Variants in TPRN observed in about 807,000 individuals in gnomAD.
The protein encoded by TPRN is taperin.
TPRN carries 32 observed loss-of-function variants against 42.6 expected under a neutral mutation model. The observed-to-expected ratio is 0.75, with a 90% CI of 0.57 to 1.01. TPRN has a LOEUF of 1.01. TPRN is among the 50% of genes least tolerant of loss of function. The pLI, the probability that TPRN is intolerant of heterozygous loss-of-function variation, is 0.00. For missense variants in TPRN, 1,095 were observed against 957.5 expected (o/e 1.14, Z -1.90); for synonymous variants, 541 against 445.6 (o/e 1.21, Z -2.70).
rs1389147978 is a variant in TPRN, at chr9:137,199,346, T to A, written c.1366A>T (p.Thr456Ser). ...TCCGAGTCTACCTCATCGATGAAGG[T>A]GACAGGCAGCCCCGGCCTCACATAT... ...REYVRPGLPV[T>S]FIDEVDSEEA... Residue 456 changes from threonine to serine, a missense_variant, in exon 1 of 4, where the codon ACC (threonine) becomes TCC (serine). By Grantham distance (58) the Thr-to-Ser change is moderately conservative (BLOSUM62 1). Transcript: ENST00000409012. 1.9e-6 allele frequency: 3 copies of A among 1,612,514 alleles called. No homozygotes were observed. Among genetic ancestry groups the A allele is most frequent in the Non-Finnish European group, 2.5e-6 (3 of 1,179,970 alleles).
At position 137,199,461 on chromosome 9, in the gene TPRN, G is replaced by A; in HGVS notation, c.1251C>T (p.Ser417=). 1 of 1,603,350 alleles carries A rather than the reference G, an allele frequency of 6.2e-7. No individual in the cohort carries two copies. ...CAGCCGGCAGGAAGGGGGGCGGTGA[G>A]GACGGCCTCTGCCACCTAATAGCCC... ...ADRAIRWQRP[S]SPPPFLPAAS... Residue 417 remains serine (S), a synonymous_variant, in exon 1 of 4, where the codon TCC becomes TCT. Coordinates refer to ENST00000409012, the MANE Select transcript of TPRN (RefSeq NM_001128228.3).
chr9:137,192,177 G>C lies in TPRN; in HGVS notation c.2074-3C>G. On this transcript the variant is annotated splice_region_variant and splice_polypyrimidine_tract_variant and intron_variant, in intron 3 of 3. Transcript: ENST00000409012. ...TCATTCTGACTGGCGGGTGTGAGCT[G>C]AAAGTGAGAGGACAGAATGTGGACA... The C allele has an allele frequency of 6.2e-7, 1 of 1,613,508 alleles. No individual in the cohort carries two copies. Among genetic ancestry groups the C allele is most frequent in the Non-Finnish European group, 8.5e-7 (1 of 1,180,006 alleles).
In TPRN at chr9:137,192,501, A is replaced by G; in HGVS notation, c.1916T>C (p.Phe639Ser). 4.4e-6 allele frequency: 7 copies of G among 1,606,310 alleles called. No individual in the cohort carries two copies. Among genetic ancestry groups the G allele is most frequent in the Non-Finnish European group, 5.9e-6 (7 of 1,176,750 alleles). Residue 639 changes from phenylalanine (F) to serine (S), a missense_variant, in exon 2 of 4, where the codon TTT (phenylalanine) becomes TCT (serine). By Grantham distance (155) the Phe-to-Ser change is radical. Transcript: ENST00000409012. Reference sequence around the variant, plus strand: ...GCTCTCGGGTCTCACGCTGCTCACAAACGTGGCCCGGGGCAGGAAGAGTGC... The same window carrying G: ...GCTCTCGGGTCTCACGCTGCTCACAGACGTGGCCCGGGGCAGGAAGAGTGC... ...PFALFLPRAT[F>S]VSSVRPESSR...
chr9:137,191,940 C>A lies in TPRN; in HGVS notation c.*172G>T. 1.2e-6 allele frequency: 1 copy of A among 807,060 alleles called. No individual in the cohort carries two copies. The highest frequency in any genetic ancestry group is 2.0e-5 in the Admixed American group (1 of 48,822). 50.0% of individuals were successfully genotyped at this position (807,060 alleles called of 1,614,324 possible). A position where few individuals can be genotyped will look rare whatever the true frequency, so the allele number is the denominator to read the frequency against. ...CCAAATCAGGGCCGGGGAGTGAGACCCAGACCTGGCCCCGATGGCAGGAGG... is the reference window on the plus strand; with the variant it reads ...CCAAATCAGGGCCGGGGAGTGAGACACAGACCTGGCCCCGATGGCAGGAGG... On this transcript the variant is annotated 3_prime_UTR_variant, in exon 4 of 4. Transcript: ENST00000409012.
chr9:137,195,397 T>C (rs1834691099), intron 1 of TPRN, among the ~76,000 whole-genome samples: 1 of 152,166 alleles, frequency 6.6e-6, no homozygotes, highest in Admixed American at 6.5e-5. Context: ...TGGGAAGAGC[T>C]GGCGGAGAGA....
In TPRN at chr9:137,199,303, G is replaced by T; in HGVS notation, c.1409C>A (p.Ala470Asp). The T allele has an allele frequency of 6.2e-7, 1 of 1,612,470 alleles. No homozygotes were observed. Among genetic ancestry groups the T allele is most frequent in the South Asian group, 1.1e-5 (1 of 91,088 alleles). ...AGGGTGCGGGAGGTAGGGTAGTTTG[G>T]CTGCTTGGGGGGCCTCCTCCGAGTC... ...EVDSEEAPQA[A>D]KLPYLPHPAR... is the part of the protein sequence containing the mutation. The change falls in exon 1 of 4, where the codon GCC becomes GAC. Residue 470 changes from alanine to aspartate, a missense_variant. Transcript: ENST00000409012.
rs376450752 is a variant in TPRN, at chr9:137,192,523, G to C, written c.1894C>G (p.Leu632Val). 27 of 1,607,390 alleles carry C rather than the reference G, an allele frequency of 1.7e-5. No individual in the cohort carries two copies. In the East Asian group the frequency reaches 5.8e-4, roughly 35 times the overall value. Residue 632 changes from leucine (L) to valine (V), a missense_variant, in exon 2 of 4, where the codon CTC (leucine) becomes GTC (valine). Leu to Val is a conservative substitution (Grantham distance 32, BLOSUM62 1). Transcript: ENST00000409012. ...GSGSEEKPFA[L>V]FLPRATFVSS... The stretch of plus-strand genomic sequence containing the variant: ...ACAAACGTGGCCCGGGGCAGGAAGA[G>C]TGCAAAGGGCTTCTCCTCTGAGCCG...
chr9:137,197,986 CAGAG>C (rs1274567773), intron 1 of TPRN, among the ~76,000 whole-genome samples: 2 of 152,206 alleles, frequency 1.3e-5, no homozygotes, highest in Non-Finnish European at 2.9e-5. Flanking sequence ...AGGAAGCAAA[CAGAG>C]GGAGGCAGCA....
rs1834624694 is a variant in TPRN at position 137,191,933 on chromosome 9, G to A, written c.*179C>T. On this transcript the variant is annotated 3_prime_UTR_variant, in exon 4 of 4. Coordinates refer to ENST00000409012, the MANE Select transcript of TPRN (RefSeq NM_001128228.3). ...GACCCTCCCAAATCAGGGCCGGGGA[G>A]TGAGACCCAGACCTGGCCCCGATGG... is the stretch of plus-strand genomic sequence containing the variant. The A allele has an allele frequency of 3.9e-6, 3 of 761,240 alleles. No individual in the cohort carries two copies. Among genetic ancestry groups the A allele is most frequent in the Non-Finnish European group, 4.4e-6 (2 of 454,122 alleles). 47.2% of individuals were successfully genotyped at this position (761,240 alleles called of 1,614,324 possible).
Position 137,199,872 on chromosome 9 carries a change from A to G in TPRN, c.840T>C (p.Thr280=), listed in dbSNP as rs1379836077. The change falls in exon 1 of 4, where the codon ACT becomes ACC. Residue 280 remains threonine, a synonymous_variant. Coordinates refer to ENST00000409012, the MANE Select transcript of TPRN (RefSeq NM_001128228.3). ...ATPASPPASA[T]PSQRQCVSAA... ...CGGAGACGCACTGGCGCTGGCTAGG[A>G]GTGGCACTGGCAGGGGGTGAGGCTG... is the stretch of plus-strand genomic sequence containing the variant. The G allele has an allele frequency of 1.6e-6, 2 of 1,256,240 alleles. No individual in the cohort carries two copies. The highest frequency in any genetic ancestry group is 1.3e-5 in the South Asian group (1 of 77,100). The allele number at this position is 1,256,240 out of a possible 1,614,324, so 77.8% of individuals were successfully genotyped here.
At chr9:137,192,998 C>T in intron 1 of TPRN, 1 of 442,666 alleles carries the variant, frequency 2.3e-6, no homozygotes, top group Non-Finnish European at 4.1e-6. Flanking sequence ...GCTACCATCT[C>T]AGGCCCCTCC....
At chr9:137,194,989 C>T (rs550296244) in intron 1 of TPRN, 1 of 152,522 alleles carries the variant, frequency 6.6e-6, no homozygotes, top group Admixed American at 6.5e-5. Flanking sequence ...TCTCAGGACC[C>T]TTCTGTTCTC....
chr9:137,192,872 T>C, intron 1 of TPRN, 181 bp from the exon 2 acceptor site: 1 of 645,838 alleles, frequency 1.5e-6, no homozygotes, highest in Non-Finnish European at 2.7e-6. Flanking sequence ...CAGGCGTCCA[T>C]CCCTCCACCC....
In TPRN at chr9:137,198,767, G is replaced by A. The variant is rs533740200; in HGVS notation, c.1725+220C>T. On this transcript the variant is annotated intron_variant, in intron 1 of 3. Transcript: ENST00000409012. The stretch of plus-strand genomic sequence containing the variant: ...CTGTCGCTCTCCAGCAGCCTGGCAA[G>A]GCACACAGCAGGCCAGCTGTCCCCA... 9.3e-4 allele frequency among the ~76,000 whole-genome samples: 142 copies of A among 152,362 alleles called. 1 individual carries two copies. In the South Asian group the frequency reaches 0.028, roughly 30 times the overall value.
At position 137,200,457 on chromosome 9, in the gene TPRN, G is replaced by A; in HGVS notation, c.255C>T (p.Arg85=). 9.1e-7 allele frequency: 1 copy of A among 1,101,192 alleles called. No individual in the cohort carries two copies. The highest frequency in any genetic ancestry group is 3.3e-5 in the South Asian group (1 of 30,524). 68.2% of individuals were successfully genotyped at this position (1,101,192 alleles called of 1,614,324 possible). A position where few individuals can be genotyped will look rare whatever the true frequency, so the allele number is the denominator to read the frequency against. ...AGARLLERYR[R]VPGVRALRAD... is the part of the protein sequence containing the mutation. ...CGCGGAGGGCGCGCACGCCAGGCAC[G>A]CGGCGGTACCGCTCCAGCAGCCGCG... The change falls in exon 1 of 4, where the codon CGC becomes CGT. Residue 85 remains arginine, a synonymous_variant. Transcript: ENST00000409012. This position sits in a 1 kb window ranked among gnomAD's most constrained non-coding sequence, Gnocchi z 4.3.
intron 1 of TPRN, among the ~76,000 whole-genome samples, chr9:137,197,234 G>A (rs1834719581): frequency 6.6e-6 from 1 of 152,194 alleles, no homozygotes; most frequent in Non-Finnish European, 1.5e-5. Flanking sequence ...GAATAGCTGG[G>A]ATTATAGGCG....
intron 1 of TPRN, among the ~76,000 whole-genome samples, chr9:137,197,769 T>C (rs1834727152): frequency 6.6e-6 from 1 of 152,048 alleles, no homozygotes; most frequent in African/African-American, 2.4e-5. Context: ...GGGGTGATGC[T>C]CGGGCGAGGG....
chr9:137,200,694 C>T lies in TPRN; in HGVS notation c.18G>A (p.Arg6=). 8.3e-7 allele frequency: 1 copy of T among 1,206,046 alleles called. No individual in the cohort carries two copies. 74.7% of individuals were successfully genotyped at this position (1,206,046 alleles called of 1,614,324 possible). A position where few individuals can be genotyped will look rare whatever the true frequency, so the allele number is the denominator to read the frequency against. MAALG[R]PGSGPRAAVP... Reference sequence around the variant, plus strand: ...CCGCAGCGCGCGGCCCCGAGCCCGGCCGCCCCAGGGCGGCCATGCTGCGAA... The same window carrying T: ...CCGCAGCGCGCGGCCCCGAGCCCGGTCGCCCCAGGGCGGCCATGCTGCGAA... The change falls in exon 1 of 4, where the codon CGG becomes CGA. Residue 6 remains arginine (R), a synonymous_variant. Transcript: ENST00000409012. This position sits in a 1 kb window ranked among gnomAD's most constrained non-coding sequence, Gnocchi z 4.3.
chr9:137,198,942 G>T, intron 1 of TPRN, 45 bp downstream of exon 1: 1 of 1,610,802 alleles, frequency 6.2e-7, no homozygotes. Flanking sequence ...TCTGTGAGCT[G>T]TCACTCTCTC....
Sources: allele counts gnomAD v4.1 joint callset (sites outside exome capture counted in the v4.1 genomes callset), GRCh38; gene constraint gnomAD v4.1.1; non-coding constraint Gnocchi (gnomAD v3.1); transcripts MANE v1.5; gene names NCBI Gene and HGNC (gene_info 2026-07-23, HGNC 2026-07-21).